ADAM10: variants seen among roughly 807,000 people sequenced by gnomAD.
ADAM10 encodes the protein disintegrin and metalloproteinase domain-containing protein 10.
Under a neutral mutation model 90.1 loss-of-function variants are expected in ADAM10, and 17 were observed. The observed-to-expected ratio is 0.19, with a 90% CI of 0.13 to 0.28. ADAM10 has a LOEUF of 0.28. Among genes scored for constraint, ADAM10 ranks in the 10% least tolerant of loss-of-function variants. ADAM10 has a pLI of 1.00. For missense variants in ADAM10, 610 were observed against 914.3 expected, an observed-to-expected ratio of 0.67 and a Z score of 4.29; for synonymous variants, 310 against 298.6, an observed-to-expected ratio of 1.04 and a Z score of -0.40.
chr15:58,648,933 T>C (rs1596027335), intron 5 of ADAM10, among the ~76,000 whole-genome samples: 2 of 152,250 alleles, frequency 1.3e-5, no homozygotes, highest in East Asian at 1.9e-4. Flanking sequence ...CTGTTTTACT[T>C]TCCATCTTTT....
intron 11 of ADAM10, among the ~76,000 whole-genome samples, 161 bp downstream of exon 11, chr15:58,621,310 A>G (rs1202662904): frequency 6.6e-6 from 1 of 151,816 alleles, no homozygotes; most frequent in Non-Finnish European, 1.5e-5. Context: ...TCTGCCAATA[A>G]CAGAGCAGTA....
At chr15:58,695,675 T>TC (rs11448035) in intron 2 of ADAM10, among the ~76,000 whole-genome samples, 130,960 of 151,930 alleles carry the variant, frequency 0.86, 56,423 homozygotes, top group Middle Eastern at 0.9. Context: ...AGAGCAAGAC[T>TC]TGTCTAAAAA....
chr15:58,672,808 A>AAAAAAAAAAAAAAAAAAAAAAAC (rs1897226013), intron 4 of ADAM10: 1 of 143,168 alleles, frequency 7.0e-6, no homozygotes, highest in African/African-American at 2.6e-5. Flanking sequence ...AAAAAAAAAA[A>AAAAAAAAAAAAAAAAAAAAAAAC]AAGGGAGATG....
chr15:58,691,922 C>T (rs1456686999), intron 2 of ADAM10, among the ~76,000 whole-genome samples: 3 of 151,878 alleles, frequency 2.0e-5, no homozygotes, highest in African/African-American at 7.3e-5. Context: ...GTGATCTGCC[C>T]GCCTCAGCCT....
intron 2 of ADAM10, among the ~76,000 whole-genome samples, chr15:58,688,020 A>AT (rs1897654760): frequency 1.3e-5 from 2 of 152,170 alleles, no homozygotes; most frequent in African/African-American, 4.8e-5. Context: ...AATTGCACAG[A>AT]ATTATGCACA....
intron 1 of ADAM10, chr15:58,749,135 G>C (rs1366356411): frequency 7.5e-6 from 3 of 398,278 alleles, no homozygotes; most frequent in African/African-American, 2.1e-5. Flanking sequence ...GAGCAGACTG[G>C]AGGGATGCAG....
At chr15:58,622,912 G>C (rs905681154) in intron 10 of ADAM10, among the ~76,000 whole-genome samples, 1 of 152,152 alleles carries the variant, frequency 6.6e-6, no homozygotes, top group Non-Finnish European at 1.5e-5. Flanking sequence ...ACTTGCTAGG[G>C]ACCATATATC....
chr15:58,617,088 A>G (rs969929450), intron 11 of ADAM10, among the ~76,000 whole-genome samples: 8 of 152,132 alleles, frequency 5.3e-5, no homozygotes, highest in Non-Finnish European at 1.0e-4. Context: ...CAGCCTGGGG[A>G]AAAAAGTGAG....
intron 2 of ADAM10, among the ~76,000 whole-genome samples, chr15:58,711,545 T>A (rs559870868): frequency 5.3e-5 from 8 of 152,112 alleles, no homozygotes; most frequent in Non-Finnish European, 1.0e-4. Flanking sequence ...CTCCAATACA[T>A]ATATAAAATC....
rs978529818 is a variant in ADAM10 at position 58,596,167 on chromosome 15, G to A, written c.*1380C>T. 6.6e-6 allele frequency: 1 copy of A among 151,764 alleles called. No individual in the cohort carries two copies. Among genetic ancestry groups the A allele is most frequent in the African/African-American group, 2.4e-5 (1 of 41,344 alleles). The allele number at this position is 151,764 out of a possible 1,614,324, so 9.4% of individuals were successfully genotyped here. ...TAAATTTGCCTCCTATGTGAAGTCA[G>A]GAAAATCATAGCTTTACTTCTAGTT... On this transcript the variant is annotated 3_prime_UTR_variant, in exon 16 of 16. Transcript: ENST00000260408.
intron 11 of ADAM10, among the ~76,000 whole-genome samples, chr15:58,619,870 C>T (rs1895729053): frequency 6.6e-6 from 1 of 151,598 alleles, no homozygotes; most frequent in Non-Finnish European, 1.5e-5. Context: ...CGCCACTGCA[C>T]CCCAGCCTGG....
chr15:58,632,288 T>C (rs1437661083), intron 9 of ADAM10, among the ~76,000 whole-genome samples: 1 of 152,204 alleles, frequency 6.6e-6, no homozygotes, highest in Admixed American at 6.5e-5. Flanking sequence ...CACATTGTAG[T>C]TGTATTAGAA....
Position 58,720,619 on chromosome 15 carries a change from T to C in ADAM10, c.56-2892A>G, listed in dbSNP as rs544250222. Among the ~76,000 whole-genome samples the C allele has an allele frequency of 4.6e-5, 7 of 151,800 alleles. No homozygotes were observed. In the South Asian group the frequency reaches 8.4e-4, roughly 18 times the overall value. On this transcript the variant is annotated intron_variant, in intron 1 of 15. Coordinates refer to ENST00000260408, the MANE Select transcript of ADAM10 (RefSeq NM_001110.4). ...GGTTTCACCATGTTAGTCAGGATAG[T>C]CTCGATCTCCTGACCTCGTGATCCG...
Position 58,679,219 on chromosome 15 carries a change from G to A in ADAM10, c.389C>T (p.Thr130Ile), listed in dbSNP as rs778952812. Residue 130 changes from threonine (T) to isoleucine (I), a missense_variant, in exon 4 of 16, where the codon ACT becomes ATT. Thr to Ile is a moderately conservative substitution (Grantham distance 89, BLOSUM62 -1). Coordinates refer to ENST00000260408, the MANE Select transcript of ADAM10 (RefSeq NM_001110.4). ...CTCAACATAAAATGTGCCACCACGA[G>A]TCTGGATGAATCCTTCAAATCTTCC... ...IDGRFEGFIQ[T>I]RGGTFYVEPA... The A allele has an allele frequency of 1.9e-6, 3 of 1,614,060 alleles. No individual in the cohort carries two copies. The highest frequency in any genetic ancestry group is 2.5e-6 in the Non-Finnish European group (3 of 1,179,988).
chr15:58,652,108 A>G (rs1896703351), intron 5 of ADAM10, among the ~76,000 whole-genome samples: 3 of 151,984 alleles, frequency 2.0e-5, no homozygotes, highest in East Asian at 1.9e-4. Flanking sequence ...ATTTTTTTCT[A>G]TAGAGTTATT....
At chr15:58,749,038 T>TG in intron 1 of ADAM10, 1 of 398,908 alleles carries the variant, frequency 2.5e-6, no homozygotes, top group Non-Finnish European at 4.4e-6. Flanking sequence ...GGGCAGGGGC[T>TG]GGGGGAGGAA....
At chr15:58,689,497 T>C (rs1897714759) in intron 2 of ADAM10, among the ~76,000 whole-genome samples, 1 of 151,930 alleles carries the variant, frequency 6.6e-6, no homozygotes. Context: ...ACAAAAATAA[T>C]AATAATAATA....
intron 2 of ADAM10, among the ~76,000 whole-genome samples, chr15:58,711,242 T>A (rs1465643333): frequency 1.3e-5 from 2 of 152,224 alleles, no homozygotes; most frequent in Non-Finnish European, 2.9e-5. Context: ...AATCACATAT[T>A]ACATAAAAAT....
At chr15:58,647,851 C>A (rs896043025) in intron 5 of ADAM10, among the ~76,000 whole-genome samples, 2 of 152,142 alleles carry the variant, frequency 1.3e-5, no homozygotes, top group Non-Finnish European at 2.9e-5. Flanking sequence ...CTGTGCCTGG[C>A]CTCAATTAAG....
Sources: gnomAD v4.1 joint callset for allele counts (sites outside exome capture counted in the v4.1 genomes callset) on GRCh38, gnomAD v4.1.1 for gene constraint, MANE v1.5 for transcripts, NCBI Gene and HGNC (gene_info 2026-07-23, HGNC 2026-07-21) for gene names.